RXRA: variants seen among roughly 807,000 people sequenced by gnomAD.
RXRA encodes the protein retinoic acid receptor RXR-alpha.
RXRA carries 5 observed loss-of-function variants against 44.5 expected under a neutral mutation model. The observed-to-expected ratio is 0.11, with a 90% CI of 0.06 to 0.24. The LOEUF (loss-of-function observed/expected upper bound fraction) is 0.24, where lower values mean the gene tolerates loss of function less well. Ranked by LOEUF, RXRA falls within the 10% of genes least tolerant of loss-of-function variation. RXRA has a pLI of 1.00. For synonymous variants in RXRA, 291 were observed against 271.4 expected (o/e 1.07, Z -0.71); for missense variants, 412 against 646.5 (o/e 0.64, Z 3.93).
At chr9:134,346,240 G>A (rs1324733792) in intron 1 of RXRA, among the ~76,000 whole-genome samples, 3 of 152,126 alleles carry the variant, frequency 2.0e-5, no homozygotes, top group South Asian at 2.1e-4. Context: ...GGGACCTGGC[G>A]TTCATCCTTG....
At chr9:134,357,796 T>G (rs1031526574) in intron 1 of RXRA, among the ~76,000 whole-genome samples, 1 of 152,218 alleles carries the variant, frequency 6.6e-6, no homozygotes, top group Non-Finnish European at 1.5e-5. Flanking sequence ...CTTAGAAAAT[T>G]ATGTGTAAAT....
At chr9:134,384,537 C>A (rs956314445) in intron 1 of RXRA, among the ~76,000 whole-genome samples, 5 of 152,212 alleles carry the variant, frequency 3.3e-5, no homozygotes, top group African/African-American at 9.6e-5. Context: ...GTGGGTGAGA[C>A]CCAGGAGGGA....
At chr9:134,422,153 C>T (rs1373731584) in intron 6 of RXRA, 1 of 1,296,764 alleles carries the variant, frequency 7.7e-7, no homozygotes, top group Non-Finnish European at 1.0e-6. Context: ...CACACTTCCC[C>T]CTCCTGGGAC....
At chr9:134,329,342 G>A (rs1379279830) in intron 1 of RXRA, among the ~76,000 whole-genome samples, 3 of 152,266 alleles carry the variant, frequency 2.0e-5, no homozygotes, top group Admixed American at 1.3e-4. Context: ...CCTGACGAGG[G>A]CGTCTTTTAG....
At position 134,349,676 on chromosome 9, in the gene RXRA, A is replaced by T. The variant is rs554747805; in HGVS notation, c.28+23017A>T. Among the ~76,000 whole-genome samples the T allele has an allele frequency of 6.6e-6, 1 of 152,242 alleles. No homozygotes were observed. Among genetic ancestry groups the T allele is most frequent in the African/African-American group, 2.4e-5 (1 of 41,542 alleles). On this transcript the variant is annotated intron_variant, in intron 1 of 9. Coordinates refer to ENST00000481739, the MANE Select transcript of RXRA (RefSeq NM_002957.6). This position sits in a 1 kb window ranked among gnomAD's most constrained non-coding sequence, Gnocchi z 4.3. ...ACCTGTGTGCCTGCTGACTTGTCTC[A>T]TGAGGTTTGGGGACTTTAGTTCAAG... is the stretch of plus-strand genomic sequence containing the variant.
intron 1 of RXRA, among the ~76,000 whole-genome samples, chr9:134,398,373 A>ATG (rs201666426): frequency 1.1e-3 from 36 of 33,942 alleles, no homozygotes; most frequent in African/African-American, 0.01. Flanking sequence ...CAGAGCCCAC[A>ATG]CACGGGGCCC....
chr9:134,418,508 G>A (rs184393296), intron 5 of RXRA, among the ~76,000 whole-genome samples: 6 of 152,252 alleles, frequency 3.9e-5, no homozygotes, highest in Non-Finnish European at 8.8e-5. Flanking sequence ...CCTGCCCTCC[G>A]TGCTGGGTGC....
chr9:134,416,850 T>C (rs1831243168), intron 4 of RXRA, among the ~76,000 whole-genome samples: 2 of 152,292 alleles, frequency 1.3e-5, no homozygotes, highest in South Asian at 4.1e-4. Flanking sequence ...CCTGAGTCCA[T>C]AGACCGTCAG....
chr9:134,427,196 G>T, intron 6 of RXRA: 1 of 982,874 alleles, frequency 1.0e-6, no homozygotes, highest in Non-Finnish European at 1.2e-6. Context: ...AGGGTTCTGT[G>T]GTCAAAGAAA....
intron 1 of RXRA, among the ~76,000 whole-genome samples, chr9:134,350,392 C>T (rs558494858): frequency 1.6e-4 from 24 of 152,322 alleles, no homozygotes; most frequent in East Asian, 1.4e-3. Flanking sequence ...TGGCTGTCCT[C>T]GCCCCCTGGG....
At chr9:134,339,938 C>T (rs1021630290) in intron 1 of RXRA, among the ~76,000 whole-genome samples, 11 of 151,758 alleles carry the variant, frequency 7.2e-5, no homozygotes, top group South Asian at 2.1e-4. Flanking sequence ...TGAGTGTGCA[C>T]GCCTGTGCTC....
intron 1 of RXRA, among the ~76,000 whole-genome samples, chr9:134,363,726 C>A (rs932455964): frequency 6.6e-6 from 1 of 152,238 alleles, no homozygotes; most frequent in Non-Finnish European, 1.5e-5. Context: ...GTGCGTCTCC[C>A]AGTCCTTGGG....
chr9:134,366,585 G>A lies in RXRA; in HGVS notation c.29-35047G>A, dbSNP rs1830417785. On this transcript the variant is annotated intron_variant, in intron 1 of 9. Transcript: ENST00000481739. This position sits in a 1 kb window ranked among gnomAD's most constrained non-coding sequence, Gnocchi z 5.9. The stretch of plus-strand genomic sequence containing the variant: ...CCTGGGGACAGCACCACAGGGCCCA[G>A]CCAGGGCTGGGGCAGGGAGGAAGGG... 6.6e-6 allele frequency among the ~76,000 whole-genome samples: 1 copy of A among 152,150 alleles called. No individual in the cohort carries two copies. The highest frequency in any genetic ancestry group is 2.4e-5 in the African/African-American group (1 of 41,442).
At chr9:134,393,417 T>A (rs529415463) in intron 1 of RXRA, among the ~76,000 whole-genome samples, 94 of 152,322 alleles carry the variant, frequency 6.2e-4, no homozygotes, top group African/African-American at 2.2e-3. Flanking sequence ...TTTCCTCTTC[T>A]GAACCATGGT....
chr9:134,363,968 T>C lies in RXRA; in HGVS notation c.28+37309T>C, dbSNP rs183940519. On this transcript the variant is annotated intron_variant, in intron 1 of 9. Coordinates refer to ENST00000481739, the MANE Select transcript of RXRA (RefSeq NM_002957.6). ...AGAGAAAGGGTTGTGCCAAGAGCCT[T>C]GTGGTGGGCATACTGGGTCCGTGCC... is the stretch of plus-strand genomic sequence containing the variant. 6.1e-3 allele frequency among the ~76,000 whole-genome samples: 933 copies of C among 152,242 alleles called. 11 individuals carry two copies. The highest frequency in any genetic ancestry group is 0.021 in the African/African-American group (885 of 41,550).
rs1343419873 is a variant in RXRA at position 134,344,988 on chromosome 9, G to A, written c.28+18329G>A. Among the ~76,000 whole-genome samples the A allele has an allele frequency of 3.3e-5, 5 of 152,132 alleles. 1 individual carries two copies. The highest frequency in any genetic ancestry group is 2.6e-4 in the Admixed American group (4 of 15,282). ...GTGACAACCATTCAGAGTGGGCTCT[G>A]CCTCCTGCACCCCTGGGCCGTGTGC... On this transcript the variant is annotated intron_variant, in intron 1 of 9. Transcript: ENST00000481739.
At position 134,401,623 on chromosome 9, in the gene RXRA, G is replaced by C; in HGVS notation, c.29-9G>C. ...ACTGACCACTCTCCTGCGGCTTCTT[G>C]TCTTGCAGATTTCTCCACCCAGGTG... On this transcript the variant is annotated splice_polypyrimidine_tract_variant and intron_variant, in intron 1 of 9. Transcript: ENST00000481739. The C allele has an allele frequency of 1.2e-6, 2 of 1,612,784 alleles. No individual in the cohort carries two copies. The highest frequency in any genetic ancestry group is 1.7e-6 in the Non-Finnish European group (2 of 1,179,896).
At chr9:134,370,204 TG>T (rs1410207972) in intron 1 of RXRA, among the ~76,000 whole-genome samples, 1 of 152,124 alleles carries the variant, frequency 6.6e-6, no homozygotes, top group Non-Finnish European at 1.5e-5. Context: ...GGAGGCCCTG[TG>T]GGGTGGTGTC....
At chr9:134,390,505 G>A (rs1250095803) in intron 1 of RXRA, among the ~76,000 whole-genome samples, 5 of 152,316 alleles carry the variant, frequency 3.3e-5, no homozygotes, top group African/African-American at 1.2e-4. Context: ...GGCCTGTGGC[G>A]CCTGTGGCCA....
Sources: gnomAD v4.1 joint callset for allele counts (sites outside exome capture counted in the v4.1 genomes callset) on GRCh38, gnomAD v4.1.1 for gene constraint, Gnocchi (gnomAD v3.1) non-coding constraint, MANE v1.5 for transcripts, NCBI Gene and HGNC (gene_info 2026-07-23, HGNC 2026-07-21) for gene names.